Variants in ASH1L observed in about 807,000 individuals in gnomAD.
ASH1L encodes the protein histone-lysine N-methyltransferase ASH1L.
Under a neutral mutation model 269.0 loss-of-function variants are expected in ASH1L, and 23 were observed. The ratio of observed to expected loss-of-function variants is 0.09; its 90% CI spans 0.06 to 0.12. The LOEUF (loss-of-function observed/expected upper bound fraction) is 0.12. Among genes scored for constraint, ASH1L ranks in the 10% least tolerant of loss-of-function variants. ASH1L has a pLI of 1.00. For synonymous variants in ASH1L, 1,187 were observed against 1,253.5 expected (o/e 0.95, Z 1.12); for missense variants, 2,912 against 3,567.8 (o/e 0.82, Z 4.68).
chr1:155,400,989 C>A (rs1307820445), intron 6 of ASH1L, among the ~76,000 whole-genome samples: 1 of 151,494 alleles, frequency 6.6e-6, no homozygotes, highest in Non-Finnish European at 1.5e-5. Context: ...GGTGAAACCC[C>A]ATCTTTACTA....
Position 155,481,046 on chromosome 1 carries a change from A to G in ASH1L, c.1824T>C (p.Ser608=), listed in dbSNP as rs370810425. 3.1e-6 allele frequency: 5 copies of G among 1,614,082 alleles called. No individual in the cohort carries two copies. Among genetic ancestry groups the G allele is most frequent in the Non-Finnish European group, 4.2e-6 (5 of 1,179,962 alleles). Residue 608 remains serine, a synonymous_variant, in exon 3 of 28, where the codon AGT becomes AGC. Transcript: ENST00000392403. ...ACCTATGACCAACGTTCAAGTGGGTACTTTCAGAAGTAAACTGGTTCTTTC... is the reference window on the plus strand; with the variant it reads ...ACCTATGACCAACGTTCAAGTGGGTGCTTTCAGAAGTAAACTGGTTCTTTC... ...SVGKNQFTSE[S]THLNVGHRSV... is the part of the protein sequence containing the mutation.
chr1:155,519,046 A>G (rs1668690706), intron 2 of ASH1L, among the ~76,000 whole-genome samples: 1 of 152,240 alleles, frequency 6.6e-6, no homozygotes, highest in African/African-American at 2.4e-5. Context: ...AGGAACTTGA[A>G]TAGATAACTG....
chr1:155,347,760 C>T lies in ASH1L; in HGVS notation c.7699G>A (p.Val2567Ile), dbSNP rs200922928. Residue 2567 changes from valine to isoleucine, a missense_variant, in exon 20 of 28, where the codon GTC (valine) becomes ATC (isoleucine). Physicochemically the swap from Val to Ile is conservative, Grantham distance 29. Coordinates refer to ENST00000392403, the MANE Select transcript of ASH1L (RefSeq NM_018489.3). ...ASEADSSETS[V>I]SEKENGHEKD... is the part of the protein sequence containing the mutation. Reference sequence around the variant, plus strand: ...TCATGCCCATTCTCCTTTTCAGAGACTGAGGTCTCACTGCTGTCTGCCTCA... The same window carrying T: ...TCATGCCCATTCTCCTTTTCAGAGATTGAGGTCTCACTGCTGTCTGCCTCA... The T allele has an allele frequency of 2.2e-5, 36 of 1,614,122 alleles. No homozygotes were observed. Among genetic ancestry groups the T allele is most frequent in the Admixed American group, 2.2e-4 (13 of 60,004 alleles).
intron 12 of ASH1L, among the ~76,000 whole-genome samples, chr1:155,367,125 C>G (rs1326321512): frequency 6.6e-6 from 1 of 151,482 alleles, no homozygotes; most frequent in Non-Finnish European, 1.5e-5. Context: ...TCCCAAGTAG[C>G]TGGGACTACA....
At chr1:155,340,390 C>T (rs1281227731) in intron 25 of ASH1L, among the ~76,000 whole-genome samples, 3 of 152,072 alleles carry the variant, frequency 2.0e-5, no homozygotes, top group Non-Finnish European at 4.4e-5. Context: ...ACCATGTCGA[C>T]CAGGCTGGTC....
chr1:155,345,111 C>T (rs1653140693), intron 21 of ASH1L, among the ~76,000 whole-genome samples: 1 of 151,560 alleles, frequency 6.6e-6, no homozygotes, highest in African/African-American at 2.4e-5. Flanking sequence ...CACGCAACAC[C>T]ACGCCCAGCT....
chr1:155,405,804 T>C (rs1163881597), intron 6 of ASH1L, among the ~76,000 whole-genome samples: 3 of 145,496 alleles, frequency 2.1e-5, no homozygotes, highest in Non-Finnish European at 4.5e-5. Flanking sequence ...CACTCCAGTC[T>C]GGGTGAGAGA....
Position 155,477,958 on chromosome 1 carries a change from C to T in ASH1L, c.4912G>A (p.Asp1638Asn). The T allele has an allele frequency of 6.2e-7, 1 of 1,614,214 alleles. No homozygotes were observed. Among genetic ancestry groups the T allele is most frequent in the Non-Finnish European group, 8.5e-7 (1 of 1,180,024 alleles). ...TDSPGLFSAQ[D>N]TSLNRLHRKE... ...CTGTGAAGCCGATTTAGTGAAGTGT[C>T]CTGTGCAGAAAAGAGTCCAGGGCTG... Residue 1638 changes from aspartate to asparagine, a missense_variant, in exon 3 of 28, where the codon GAC (aspartate) becomes AAC (asparagine). By Grantham distance (23) the Asp-to-Asn change is conservative (BLOSUM62 1). Around this residue, in one of 13 missense-constraint regions of ASH1L, gnomAD observed 789 missense variants for 897.6 expected, o/e 0.88. Coordinates refer to ENST00000392403, the MANE Select transcript of ASH1L (RefSeq NM_018489.3).
chr1:155,483,032 G>C (rs571382597), intron 2 of ASH1L, among the ~76,000 whole-genome samples: 6 of 149,988 alleles, frequency 4.0e-5, no homozygotes, highest in African/African-American at 1.3e-4. Context: ...ATTTTCATCA[G>C]AATGTGTTTT....
chr1:155,380,454 T>C (rs113004207), intron 7 of ASH1L, among the ~76,000 whole-genome samples: 1,545 of 152,228 alleles, frequency 0.01, 37 homozygotes, highest in African/African-American at 0.036. Flanking sequence ...CTCTTCATTA[T>C]TACACATAAC....
chr1:155,457,462 CTGT>C (rs1018801384), intron 4 of ASH1L, among the ~76,000 whole-genome samples: 2 of 152,174 alleles, frequency 1.3e-5, no homozygotes, highest in African/African-American at 4.8e-5. Context: ...TTCGAAAGTG[CTGT>C]TGTTACTGTG....
In ASH1L at chr1:155,347,892, G is replaced by A. The variant is rs1376913986; in HGVS notation, c.7567C>T (p.Arg2523Cys). Residue 2523 changes from arginine (R) to cysteine (C), a missense_variant, in exon 20 of 28, where the codon CGT becomes TGT. By Grantham distance (180) the Arg-to-Cys change is radical. This residue lies in a region of ASH1L where 309 missense variants were observed against 435.1 expected (regional missense o/e 0.71). Coordinates refer to ENST00000392403, the MANE Select transcript of ASH1L (RefSeq NM_018489.3). ...VFRNAEKYYGRKSPVGRDVCR... is the reference protein window; with the variant it reads ...VFRNAEKYYGCKSPVGRDVCR... ...ACATCTCTCCCAACTGGGGATTTACGCCCATAGTACTTCTGAAGAAAGCAA... is the reference window on the plus strand; with the variant it reads ...ACATCTCTCCCAACTGGGGATTTACACCCATAGTACTTCTGAAGAAAGCAA... 5.0e-6 allele frequency: 8 copies of A among 1,614,006 alleles called. No homozygotes were observed. Among genetic ancestry groups the A allele is most frequent in the African/African-American group, 2.7e-5 (2 of 74,880 alleles).
At chr1:155,504,978 TC>T (rs1285672146) in intron 2 of ASH1L, among the ~76,000 whole-genome samples, 1 of 152,056 alleles carries the variant, frequency 6.6e-6, no homozygotes, top group Non-Finnish European at 1.5e-5. Context: ...TTTTAATTTT[TC>T]CTCTAAGAGG....
At chr1:155,418,220 T>C (rs917465959) in intron 5 of ASH1L, among the ~76,000 whole-genome samples, 3 of 151,644 alleles carry the variant, frequency 2.0e-5, no homozygotes, top group Admixed American at 6.6e-5. Context: ...ATCACAAAGA[T>C]AGAAAAGAAA....
chr1:155,347,806 C>T lies in ASH1L; in HGVS notation c.7653G>A (p.Glu2551=), dbSNP rs1387844452. 2 of 1,614,246 alleles carry T rather than the reference C, an allele frequency of 1.2e-6. No individual in the cohort carries two copies. The highest frequency in any genetic ancestry group is 2.2e-5 in the South Asian group (2 of 91,084). Residue 2551 remains glutamate, a synonymous_variant, in exon 20 of 28, where the codon GAG becomes GAA. Transcript: ENST00000392403. ...CCTCACTTGCTGTCTCTCCCACAAT[C>T]TCATCAATCTGGGCTGATGCCTCAT... ...ARHEASAQID[E]IVGETASEAD... is the part of the protein sequence containing the mutation.
intron 12 of ASH1L, among the ~76,000 whole-genome samples, chr1:155,361,508 C>T (rs1393949362): frequency 1.0e-5 from 1 of 96,854 alleles, no homozygotes; most frequent in Non-Finnish European, 1.9e-5. Context: ...CAGAGTGAGA[C>T]TCCATCTCAC....
intron 2 of ASH1L, among the ~76,000 whole-genome samples, chr1:155,511,688 T>C (rs558601767): frequency 7.2e-5 from 11 of 152,186 alleles, no homozygotes; most frequent in Non-Finnish European, 1.6e-4. Context: ...GTATTTTTAG[T>C]AGAGACAGAG....
chr1:155,438,279 T>G, intron 5 of ASH1L, 48 bp downstream of exon 5: 1 of 1,493,458 alleles, frequency 6.7e-7, no homozygotes, highest in South Asian at 1.4e-5. Context: ...TTACAGTTTT[T>G]CAAAGCTAGT....
At chr1:155,526,529 C>T (rs575804879) in intron 1 of ASH1L, among the ~76,000 whole-genome samples, 28 of 152,142 alleles carry the variant, frequency 1.8e-4, no homozygotes, top group Non-Finnish European at 3.1e-4. Context: ...CCACTAACTC[C>T]GAGTAAGCCC....
Sources: allele counts gnomAD v4.1 joint callset (sites outside exome capture counted in the v4.1 genomes callset), GRCh38; gene constraint gnomAD v4.1.1; regional missense constraint gnomAD v4.1.1; transcripts MANE v1.5; gene names NCBI Gene and HGNC (gene_info 2026-07-23, HGNC 2026-07-21).